Variants in SPTBN4 observed in about 807,000 individuals in gnomAD.
The protein encoded by SPTBN4 is spectrin beta, non-erythrocytic 4.
A neutral mutation model predicts 277.8 loss-of-function variants in SPTBN4; 96 were observed. The ratio of observed to expected loss-of-function variants is 0.35; its 90% confidence interval spans 0.29 to 0.41. SPTBN4 has a LOEUF of 0.41. Ranked by LOEUF, SPTBN4 falls within the 10% of genes least tolerant of loss-of-function variation. The pLI is 1.00. For missense variants in SPTBN4, 3,006 were observed against 3,595.7 expected (o/e 0.84, Z 4.19); for synonymous variants, 1,481 against 1,580.3 (o/e 0.94, Z 1.49).
At chr19:40,513,603 G>C in intron 14 of SPTBN4, 49 bp downstream of exon 14, 1 of 1,461,168 alleles carries the variant, frequency 6.8e-7, no homozygotes, top group Non-Finnish European at 9.1e-7. Context: ...CATGCACCCA[G>C]TCTCACCTTC....
At chr19:40,470,214 G>A (rs2145794030) in intron 1 of SPTBN4, among the ~76,000 whole-genome samples, 1 of 151,612 alleles carries the variant, frequency 6.6e-6, no homozygotes, top group East Asian at 1.9e-4. Flanking sequence ...GCCCAGACTG[G>A]TCTCGAACCC....
At chr19:40,574,884 A>G (rs2081186391) in intron 35 of SPTBN4, among the ~76,000 whole-genome samples, 2 of 151,904 alleles carry the variant, frequency 1.3e-5, no homozygotes, top group Admixed American at 1.3e-4. Context: ...GCATGGTGGC[A>G]CGTGCCTGTA....
chr19:40,534,512 G>A, intron 20 of SPTBN4, 169 bp downstream of exon 20: 1 of 882,454 alleles, frequency 1.1e-6, no homozygotes, highest in Non-Finnish European at 1.7e-6. Context: ...AGTAATAACT[G>A]TTGGAAGCAG....
chr19:40,546,962 T>A (rs1322933582), intron 20 of SPTBN4, among the ~76,000 whole-genome samples: 1 of 152,228 alleles, frequency 6.6e-6, no homozygotes, highest in Non-Finnish European at 1.5e-5. Context: ...CTGATACATA[T>A]CAATTTTTAC....
chr19:40,513,111 G>A lies in SPTBN4; in HGVS notation c.2322G>A (p.Ala774=). The A allele has an allele frequency of 3.4e-6, 5 of 1,458,558 alleles. No homozygotes were observed. The highest frequency in any genetic ancestry group is 4.5e-6 in the Non-Finnish European group (5 of 1,113,562). The allele number at this position is 1,458,558 out of a possible 1,614,324, so 90.4% of individuals were successfully genotyped here. The change falls in exon 14 of 36, where the codon GCG becomes GCA. Residue 774 remains alanine, a synonymous_variant. Transcript: ENST00000598249. The part of the protein sequence containing the change: ...RRERRLQEAR[A]LHQFGADLDG... ...AGCGGCGGCTGCAGGAGGCGCGGGC[G>A]CTGCACCAGTTCGGCGCTGACCTCG...
intron 17 of SPTBN4, 128 bp downstream of exon 17, chr19:40,523,767 A>G: frequency 2.3e-6 from 2 of 863,936 alleles, no homozygotes; most frequent in Non-Finnish European, 1.7e-6. Flanking sequence ...GCTCTTTCCT[A>G]TTTCTATTTA....
chr19:40,554,106 C>T lies in SPTBN4; in HGVS notation c.4675-41C>T. On this transcript the variant is annotated intron_variant, in intron 22 of 35. Transcript: ENST00000598249. This position sits in a 1 kb window ranked among gnomAD's most constrained non-coding sequence, Gnocchi z 5.7. ...CGTGTGGTCTTGCAGGGCCTCGGAA[C>T]GCCCCCTCTCCACCCACATCCCCTT... 1.4e-6 allele frequency: 2 copies of T among 1,404,812 alleles called. No individual in the cohort carries two copies. The highest frequency in any genetic ancestry group is 3.4e-5 in the Admixed American group (1 of 29,528). 87.0% of individuals were successfully genotyped at this position (1,404,812 alleles called of 1,614,324 possible).
chr19:40,556,328 C>T (rs1367259672), intron 25 of SPTBN4, 40 bp downstream of exon 25: 1 of 1,558,678 alleles, frequency 6.4e-7, no homozygotes, highest in South Asian at 1.1e-5. Context: ...GGAGCTACCA[C>T]TAAGGTTCTC....
At chr19:40,470,819 G>T (rs67231573) in intron 1 of SPTBN4, among the ~76,000 whole-genome samples, 26,315 of 150,360 alleles carry the variant, frequency 0.18, 2,674 homozygotes, top group African/African-American at 0.29. Flanking sequence ...TTTCAGTAGA[G>T]ACCGGGTTTC....
At chr19:40,485,977 A>AT (rs2080067315) in intron 2 of SPTBN4, among the ~76,000 whole-genome samples, 1 of 140,850 alleles carries the variant, frequency 7.1e-6, no homozygotes, top group African/African-American at 2.8e-5. Context: ...TAGGATGGCC[A>AT]TAAAAAAAAA....
intron 21 of SPTBN4, 50 bp from the exon 22 acceptor site, chr19:40,550,188 G>A (rs150954191): frequency 6.6e-7 from 1 of 1,524,810 alleles, no homozygotes; most frequent in South Asian, 1.1e-5. Context: ...TGCGATGCAG[G>A]GGTTCTTGGA....
rs1158260445 is a variant in SPTBN4 at position 40,513,487 on chromosome 19, A to G, written c.2698A>G (p.Lys900Glu). 9 of 1,601,088 alleles carry G rather than the reference A, an allele frequency of 5.6e-6. No individual in the cohort carries two copies. The highest frequency in any genetic ancestry group is 1.7e-4 in the Middle Eastern group (1 of 6,056). Residue 900 changes from lysine (K) to glutamate (E), a missense_variant, in exon 14 of 36, where the codon AAG becomes GAG. Around this residue, in one of 5 missense-constraint regions of SPTBN4, gnomAD observed 1,759 missense variants for 2,061.5 expected, o/e 0.85. Transcript: ENST00000598249. ...CGCGTGTGAGCTGTGGATCGGCGAGAAGGAGCAATGGCTGCTCTCCATGCG... is the reference window on the plus strand; with the variant it reads ...CGCGTGTGAGCTGTGGATCGGCGAGGAGGAGCAATGGCTGCTCTCCATGCG... ...VHACELWIGE[K>E]EQWLLSMRVP...
At chr19:40,532,214 C>T (rs1272780267) in intron 18 of SPTBN4, among the ~76,000 whole-genome samples, 1 of 150,290 alleles carries the variant, frequency 6.7e-6, no homozygotes, top group African/African-American at 2.5e-5. Context: ...AATGAAGTGT[C>T]TAAGTGTTGC....
chr19:40,492,839 C>G, intron 4 of SPTBN4, 124 bp from the exon 5 acceptor site: 1 of 736,154 alleles, frequency 1.4e-6, no homozygotes. Flanking sequence ...CCACCCCCAG[C>G]CAGAAGCTGC....
chr19:40,569,252 C>T (rs947233327), intron 31 of SPTBN4, among the ~76,000 whole-genome samples: 7 of 152,074 alleles, frequency 4.6e-5, no homozygotes, highest in African/African-American at 1.7e-4. Context: ...ATAGCAAAAC[C>T]CTGTCTCTAC....
chr19:40,519,263 C>T lies in SPTBN4; in HGVS notation c.2904-138C>T. 5.8e-6 allele frequency: 5 copies of T among 862,064 alleles called. No individual in the cohort carries two copies. The highest frequency in any genetic ancestry group is 8.0e-6 in the Non-Finnish European group (5 of 623,700). The allele number at this position is 862,064 out of a possible 1,614,324, so 53.4% of individuals were successfully genotyped here. On this transcript the variant is annotated intron_variant, in intron 15 of 35. Coordinates refer to ENST00000598249, the MANE Select transcript of SPTBN4 (RefSeq NM_020971.3). The surrounding 1 kb of genome is among the most constrained non-coding windows in gnomAD (Gnocchi z 5.7). The stretch of plus-strand genomic sequence containing the variant: ...TGCTGCGTAGGGTTCCATTTTACAC[C>T]GGCAGAAACTGGAGAAACTTTCTGA...
chr19:40,519,846 C>T lies in SPTBN4; in HGVS notation c.3349C>T (p.Pro1117Ser). Reference sequence around the variant, plus strand: ...GGAGGCGGCGGGCGGCAGCGAGGGGCCCCTGCCCAACAGCCTAGAAGAGGC... The same window carrying T: ...GGAGGCGGCGGGCGGCAGCGAGGGGTCCCTGCCCAACAGCCTAGAAGAGGC... ...AQEAAGGSEG[P>S]LPNSLEEADA... is the part of the protein sequence containing the mutation. Residue 1117 changes from proline (P) to serine (S), a missense_variant, in exon 16 of 36, where the codon CCC (proline) becomes TCC (serine). Transcript: ENST00000598249. This position sits in a 1 kb window ranked among gnomAD's most constrained non-coding sequence, Gnocchi z 5.7. 1.4e-6 allele frequency: 2 copies of T among 1,445,472 alleles called. No homozygotes were observed. The highest frequency in any genetic ancestry group is 1.8e-6 in the Non-Finnish European group (2 of 1,112,828). 89.5% of individuals were successfully genotyped at this position (1,445,472 alleles called of 1,614,324 possible).
intron 18 of SPTBN4, among the ~76,000 whole-genome samples, chr19:40,531,477 T>TG (rs2080672607): frequency 2.1e-5 from 2 of 94,844 alleles, no homozygotes; most frequent in African/African-American, 4.9e-5. Flanking sequence ...TTTTTTTTTT[T>TG]TTTTTTTTTT....
chr19:40,496,270 G>A (rs182373854), intron 6 of SPTBN4, among the ~76,000 whole-genome samples: 21 of 152,176 alleles, frequency 1.4e-4, no homozygotes, highest in African/African-American at 4.1e-4. Flanking sequence ...CTGCCTCAGC[G>A]TCCTGAGTAG....
Sources: allele counts gnomAD v4.1 joint callset (sites outside exome capture counted in the v4.1 genomes callset), GRCh38; gene constraint gnomAD v4.1.1; regional missense constraint gnomAD v4.1.1; non-coding constraint Gnocchi (gnomAD v3.1); transcripts MANE v1.5; gene names NCBI Gene and HGNC (gene_info 2026-07-23, HGNC 2026-07-21).